ZNF804A: variants seen among roughly 807,000 people sequenced by gnomAD.
The protein encoded by ZNF804A is zinc finger protein 804A.
Under a neutral mutation model 16.5 loss-of-function variants are expected in ZNF804A, and 2 were observed. The observed-to-expected ratio is 0.12, with a 90% CI of 0.05 to 0.38. The LOEUF (loss-of-function observed/expected upper bound fraction) is 0.38. ZNF804A is among the 10% of genes least tolerant of loss of function. The pLI, the probability that ZNF804A is intolerant of heterozygous loss-of-function variation, is 0.99. For synonymous variants in ZNF804A, 534 were observed against 489.6 expected (o/e 1.09, Z -1.20); for missense variants, 1,473 against 1,390.7 (o/e 1.06, Z -0.94).
chr2:184,765,256 A>G (rs1694100524), intron 1 of ZNF804A, among the ~76,000 whole-genome samples: 2 of 152,306 alleles, frequency 1.3e-5, no homozygotes, highest in Middle Eastern at 3.4e-3. Flanking sequence ...ATAAGCATAC[A>G]GGAGTAAATT....
chr2:184,635,566 T>C (rs961352356), intron 1 of ZNF804A, among the ~76,000 whole-genome samples: 7 of 152,154 alleles, frequency 4.6e-5, no homozygotes, highest in Non-Finnish European at 7.4e-5. Flanking sequence ...TTAATATATA[T>C]AAACTAGTTA....
intron 1 of ZNF804A, among the ~76,000 whole-genome samples, chr2:184,860,656 G>T (rs968216190): frequency 8.5e-5 from 13 of 152,310 alleles, no homozygotes; most frequent in Middle Eastern, 3.4e-3. Flanking sequence ...CTTGCTTAGT[G>T]CCAGGGTGGA....
At chr2:184,877,095 T>C (rs1227620806) in intron 2 of ZNF804A, among the ~76,000 whole-genome samples, 1 of 152,094 alleles carries the variant, frequency 6.6e-6, no homozygotes, top group Non-Finnish European at 1.5e-5. Flanking sequence ...TATTAACTCT[T>C]GGAAGTATAT....
At chr2:184,774,051 T>G (rs1694254451) in intron 1 of ZNF804A, among the ~76,000 whole-genome samples, 1 of 151,906 alleles carries the variant, frequency 6.6e-6, no homozygotes, top group Non-Finnish European at 1.5e-5. Flanking sequence ...AGTTATTTAT[T>G]CAAAATTGTC....
chr2:184,707,447 C>G (rs1018587419), intron 1 of ZNF804A, among the ~76,000 whole-genome samples: 13 of 152,078 alleles, frequency 8.5e-5, no homozygotes, highest in Non-Finnish European at 1.3e-4. Flanking sequence ...TTGCCCCCTT[C>G]TCCCTTTAGT....
chr2:184,768,161 C>T (rs1372353674), intron 1 of ZNF804A, among the ~76,000 whole-genome samples: 2 of 151,942 alleles, frequency 1.3e-5, no homozygotes, highest in East Asian at 3.9e-4. Flanking sequence ...AGGAAAACAA[C>T]TATTTGCATA....
At chr2:184,675,379 GGTTT>G (rs1450795065) in intron 1 of ZNF804A, among the ~76,000 whole-genome samples, 2 of 151,592 alleles carry the variant, frequency 1.3e-5, no homozygotes, top group Admixed American at 1.3e-4. Flanking sequence ...TTTGTGCACA[GGTTT>G]GTTTTTTACA....
intron 1 of ZNF804A, among the ~76,000 whole-genome samples, chr2:184,737,903 C>G (rs1255004545): frequency 6.6e-6 from 1 of 152,068 alleles, no homozygotes; most frequent in African/African-American, 2.4e-5. Flanking sequence ...GCAGGCTGAT[C>G]ACCTGAGGTC....
intron 1 of ZNF804A, among the ~76,000 whole-genome samples, chr2:184,642,430 G>A (rs1287725856): frequency 6.6e-6 from 1 of 152,000 alleles, no homozygotes; most frequent in Non-Finnish European, 1.5e-5. Context: ...AGGAAGTATT[G>A]TTCTCCAAAA....
At chr2:184,752,337 A>G (rs1473045026) in intron 1 of ZNF804A, among the ~76,000 whole-genome samples, 1 of 151,708 alleles carries the variant, frequency 6.6e-6, no homozygotes, top group Non-Finnish European at 1.5e-5. Context: ...AGGAGCATGG[A>G]TGGAGCTGAA....
intron 1 of ZNF804A, among the ~76,000 whole-genome samples, chr2:184,674,269 G>C (rs976214117): frequency 6.6e-6 from 1 of 151,730 alleles, no homozygotes; most frequent in Non-Finnish European, 1.5e-5. Flanking sequence ...TCTTTTAATT[G>C]GTTGGCTTCA....
intron 1 of ZNF804A, among the ~76,000 whole-genome samples, chr2:184,801,317 A>G (rs945036177): frequency 6.6e-6 from 1 of 152,092 alleles, no homozygotes; most frequent in African/African-American, 2.4e-5. Flanking sequence ...GAATTTCTGT[A>G]TCTGAGATTT....
intron 1 of ZNF804A, among the ~76,000 whole-genome samples, chr2:184,687,947 C>T (rs910682545): frequency 2.6e-5 from 4 of 151,950 alleles, no homozygotes; most frequent in Admixed American, 6.6e-5. Context: ...GGTGAAACCC[C>T]GTCTCTACTA....
At chr2:184,687,631 G>A (rs1692658820) in intron 1 of ZNF804A, among the ~76,000 whole-genome samples, 1 of 152,198 alleles carries the variant, frequency 6.6e-6, no homozygotes, top group Non-Finnish European at 1.5e-5. Flanking sequence ...GGAAAGGCAT[G>A]TCATTGCTTA....
intron 1 of ZNF804A, among the ~76,000 whole-genome samples, chr2:184,604,548 G>A (rs1423902505): frequency 1.3e-5 from 2 of 152,068 alleles, no homozygotes; most frequent in Non-Finnish European, 2.9e-5. Context: ...ATTATATTCA[G>A]GGCCAAATTC....
rs533437671 is a variant in ZNF804A, at chr2:184,881,076, C to T, written c.255+14564C>T. On this transcript the variant is annotated intron_variant, in intron 2 of 3. Coordinates refer to ENST00000302277, the MANE Select transcript of ZNF804A (RefSeq NM_194250.2). ...TGTCTATTTTAAGAAAGAATCAAAA[C>T]GAGCTGATAGAGCTGAAAAACTCAC... Among the ~76,000 whole-genome samples, 7 of 152,024 alleles carry T rather than the reference C, an allele frequency of 4.6e-5. No homozygotes were observed. In the South Asian group the frequency reaches 6.2e-4, roughly 14 times the overall value.
At chr2:184,934,797 T>C (rs1685758835) in intron 3 of ZNF804A, among the ~76,000 whole-genome samples, 1 of 152,096 alleles carries the variant, frequency 6.6e-6, no homozygotes, top group Admixed American at 6.5e-5. Flanking sequence ...AAGCACATAT[T>C]TTACATTATA....
intron 1 of ZNF804A, among the ~76,000 whole-genome samples, chr2:184,643,659 T>C (rs1397907056): frequency 6.6e-6 from 1 of 151,836 alleles, no homozygotes. Flanking sequence ...TTGAGAAAAT[T>C]ACTTATCTTG....
At chr2:184,632,467 C>T (rs1233142778) in intron 1 of ZNF804A, among the ~76,000 whole-genome samples, 2 of 152,166 alleles carry the variant, frequency 1.3e-5, no homozygotes, top group Admixed American at 6.5e-5. Flanking sequence ...GCAATCTCAG[C>T]TTACTGCAAG....
Sources: gnomAD v4.1 joint callset for allele counts (sites outside exome capture counted in the v4.1 genomes callset) on GRCh38, gnomAD v4.1.1 for gene constraint, MANE v1.5 for transcripts, NCBI Gene and HGNC (gene_info 2026-07-23, HGNC 2026-07-21) for gene names.